The following KLHL32 variants were observed in gnomAD, a reference collection of about 807,000 sequenced individuals.
KLHL32 encodes kelch-like protein 32.
A neutral mutation model predicts 64.8 loss-of-function variants in KLHL32; 35 were observed. The ratio of observed to expected loss-of-function variants is 0.54; its 90% CI spans 0.41 to 0.72. The LOEUF (loss-of-function observed/expected upper bound fraction) is 0.72. KLHL32 is among the 30% of genes least tolerant of loss of function. KLHL32 has a pLI of 0.00. For synonymous variants in KLHL32, 259 were observed against 281.0 expected (o/e 0.92, Z 0.78); for missense variants, 589 against 768.5 (o/e 0.77, Z 2.76).
intron 5 of KLHL32, among the ~76,000 whole-genome samples, chr6:97,081,579 C>G (rs1191584295): frequency 6.6e-6 from 1 of 152,178 alleles, no homozygotes; most frequent in Non-Finnish European, 1.5e-5. Flanking sequence ...GGATGCTCTT[C>G]CTTCAACTCT....
rs1184945389 is a variant in KLHL32 at position 97,114,263 on chromosome 6, C to T, written c.1108C>T (p.Arg370Cys). The change falls in exon 7 of 11, where the codon CGC (arginine) becomes TGC (cysteine). Residue 370 changes from arginine to cysteine, a missense_variant. By Grantham distance (180) the Arg-to-Cys change is radical. Transcript: ENST00000369261. ...GRTCAVRTACRYDPRSNSWAE... is the reference protein window; with the variant it reads ...GRTCAVRTACCYDPRSNSWAE... ...GACGTGTGCTGTGAGGACTGCCTGT[C>T]GCTATGACCCCCGCAGTAATTCCTG... 10 of 1,614,010 alleles carry T rather than the reference C, an allele frequency of 6.2e-6. No homozygotes were observed. The highest frequency in any genetic ancestry group is 5.3e-5 in the African/African-American group (4 of 74,898).
chr6:96,906,319 G>T, the KLHL32 span, among the ~76,000 whole-genome samples: 2 of 152,180 alleles, frequency 1.3e-5, no homozygotes, highest in Non-Finnish European at 2.9e-5. Flanking sequence ...AATACAGCAA[G>T]AATAAAGTTG....
chr6:97,031,964 G>A (rs1473687082), intron 3 of KLHL32, among the ~76,000 whole-genome samples: 1 of 152,086 alleles, frequency 6.6e-6, no homozygotes, highest in African/African-American at 2.4e-5. Flanking sequence ...TTTACTATGT[G>A]CCACATATTA....
chr6:97,134,959 T>C lies in KLHL32; in HGVS notation c.1701+2212T>C, dbSNP rs989739724. 2.0e-5 allele frequency among the ~76,000 whole-genome samples: 3 copies of C among 152,208 alleles called. No individual in the cohort carries two copies. In the East Asian group the frequency reaches 5.8e-4, roughly 29 times the overall value. Reference sequence around the variant, plus strand: ...ACACTAATTAATTGCTAATGACATTTGGCTGTTTTCAAACAAATCTATCCA... The same window carrying C: ...ACACTAATTAATTGCTAATGACATTCGGCTGTTTTCAAACAAATCTATCCA... On this transcript the variant is annotated intron_variant, in intron 10 of 10. Coordinates refer to ENST00000369261, the MANE Select transcript of KLHL32 (RefSeq NM_052904.4).
intron 3 of KLHL32, among the ~76,000 whole-genome samples, chr6:97,039,089 CAAA>C (rs535614966): frequency 1.7e-3 from 131 of 75,070 alleles, no homozygotes; most frequent in African/African-American, 5.5e-3. Context: ...GACTCTGTCT[CAAA>C]AAAAAAAAAA....
chr6:96,956,548 T>C (rs1208286145), intron 1 of KLHL32, among the ~76,000 whole-genome samples: 1 of 152,212 alleles, frequency 6.6e-6, no homozygotes, highest in Non-Finnish European at 1.5e-5. Flanking sequence ...TTTCTCTCCA[T>C]CCTTTAGTGC....
chr6:97,111,064 A>G lies in KLHL32; in HGVS notation c.628-2719A>G, dbSNP rs62413906. 8.7e-3 allele frequency among the ~76,000 whole-genome samples: 1,324 copies of G among 152,154 alleles called. 9 individuals carry two copies. The highest frequency in any genetic ancestry group is 0.014 in the Middle Eastern group (4 of 294). On this transcript the variant is annotated intron_variant, in intron 6 of 10. Transcript: ENST00000369261. ...GGGGTCTTAGCCAACCACCTGTTAC[A>G]TCTGGGACTGGGTCCAGTCCAGGGG...
At chr6:96,905,536 A>C in the KLHL32 span, among the ~76,000 whole-genome samples, 1 of 152,224 alleles carries the variant, frequency 6.6e-6, no homozygotes, top group Non-Finnish European at 1.5e-5. Flanking sequence ...TCCTGACTGC[A>C]TAATTTTGTG....
chr6:97,084,761 GA>G (rs1793130767), intron 5 of KLHL32, among the ~76,000 whole-genome samples: 1 of 152,112 alleles, frequency 6.6e-6, no homozygotes, highest in Non-Finnish European at 1.5e-5. Context: ...CTTTAGTAGA[GA>G]AAAAGCTGTA....
chr6:97,070,455 AT>A (rs1790533633), intron 5 of KLHL32, among the ~76,000 whole-genome samples: 1 of 152,002 alleles, frequency 6.6e-6, no homozygotes, highest in South Asian at 2.1e-4. Flanking sequence ...GTCCCAATTA[AT>A]TTTTTTCATA....
chr6:96,940,899 CA>C (rs1771202117), intron 1 of KLHL32, among the ~76,000 whole-genome samples: 1 of 152,158 alleles, frequency 6.6e-6, no homozygotes, highest in Non-Finnish European at 1.5e-5. Flanking sequence ...GTGATGTAGG[CA>C]TAAGGTAAGC....
intron 2 of KLHL32, among the ~76,000 whole-genome samples, chr6:96,974,739 A>G (rs1262146031): frequency 1.3e-5 from 2 of 152,242 alleles, no homozygotes; most frequent in Non-Finnish European, 2.9e-5. Context: ...TTACCAGCCA[A>G]CTGGCACCAC....
At chr6:97,027,825 A>T (rs188180956) in intron 3 of KLHL32, among the ~76,000 whole-genome samples, 2 of 152,318 alleles carry the variant, frequency 1.3e-5, no homozygotes, top group Non-Finnish European at 2.9e-5. Flanking sequence ...TCAAGCACTA[A>T]CATTTTATGA....
At chr6:97,082,634 TAAAA>T (rs1159021220) in intron 5 of KLHL32, among the ~76,000 whole-genome samples, 1 of 150,544 alleles carries the variant, frequency 6.6e-6, no homozygotes, top group Non-Finnish European at 1.5e-5. Context: ...AATAAATAAA[TAAAA>T]AGAAAGAAAA....
intron 2 of KLHL32, among the ~76,000 whole-genome samples, chr6:96,972,697 C>A: frequency 6.6e-6 from 1 of 152,048 alleles, no homozygotes; most frequent in African/African-American, 2.4e-5. Flanking sequence ...CTTTTCCTTC[C>A]TTTATTTCTC....
intron 3 of KLHL32, among the ~76,000 whole-genome samples, chr6:97,040,116 C>T (rs1467426746): frequency 6.6e-6 from 1 of 151,786 alleles, no homozygotes; most frequent in Non-Finnish European, 1.5e-5. Flanking sequence ...TAAAAAAATT[C>T]AGCATGAACT....
chr6:97,127,884 G>A (rs1343762670), intron 8 of KLHL32, among the ~76,000 whole-genome samples: 1 of 152,188 alleles, frequency 6.6e-6, no homozygotes, highest in Non-Finnish European at 1.5e-5. Context: ...TCTGAGAGAT[G>A]AGAAGTATCT....
chr6:96,937,126 AGTAGTTT>A (rs1258722256), intron 1 of KLHL32, among the ~76,000 whole-genome samples: 3 of 152,158 alleles, frequency 2.0e-5, no homozygotes. Context: ...TGTACAGTTC[AGTAGTTT>A]GTAGCAAATG....
chr6:96,942,709 A>G (rs543389776), intron 1 of KLHL32, among the ~76,000 whole-genome samples: 2 of 147,266 alleles, frequency 1.4e-5, no homozygotes, highest in South Asian at 4.4e-4. Context: ...ATATCCCTTC[A>G]GGGTCATATT....
Sources: gnomAD v4.1 joint callset for allele counts (sites outside exome capture counted in the v4.1 genomes callset) on GRCh38, gnomAD v4.1.1 for gene constraint, MANE v1.5 for transcripts, NCBI Gene and HGNC (gene_info 2026-07-23, HGNC 2026-07-21) for gene names.